Variants in SLIT3 observed in about 807,000 individuals in gnomAD.
SLIT3 encodes the protein slit guidance ligand 3.
SLIT3 carries 68 observed loss-of-function variants against 184.0 expected under a neutral mutation model. The observed-to-expected ratio is 0.37, with a 90% CI of 0.30 to 0.45. The LOEUF (loss-of-function observed/expected upper bound fraction) is 0.45. SLIT3 is among the 20% of genes least tolerant of loss of function. The pLI is 1.00. For synonymous variants in SLIT3, 831 were observed against 828.6 expected (o/e 1.00, Z -0.05); for missense variants, 1,707 against 2,026.0 (o/e 0.84, Z 3.02).
rs1757596904 is a variant in SLIT3, at chr5:168,823,351, A to C, written c.558-20T>G. On this transcript the variant is annotated intron_variant, in intron 6 of 35. Transcript: ENST00000519560. ...AGGGTACTGTGGAGATAGACAAGGG[A>C]GATGGTCAGCCAGGCAGCAGCAGGG... 6.3e-7 allele frequency: 1 copy of C among 1,595,264 alleles called. No individual in the cohort carries two copies. Among genetic ancestry groups the C allele is most frequent in the African/African-American group, 1.3e-5 (1 of 74,166 alleles).
chr5:168,762,487 G>A (rs1166741012), intron 15 of SLIT3, 52 bp downstream of exon 15: 39 of 1,586,662 alleles, frequency 2.5e-5, no homozygotes, highest in Non-Finnish European at 3.2e-5. Flanking sequence ...GCTGGCTCCG[G>A]GTGACTGGCG....
intron 1 of SLIT3, among the ~76,000 whole-genome samples, chr5:169,294,835 G>A (rs554972520): frequency 1.1e-3 from 170 of 152,284 alleles, no homozygotes; most frequent in African/African-American, 4.0e-3. Context: ...AACCTGCATA[G>A]CATGTTCCTC....
intron 4 of SLIT3, among the ~76,000 whole-genome samples, chr5:169,034,087 C>T (rs1441865625): frequency 6.6e-6 from 1 of 152,190 alleles, no homozygotes; most frequent in African/African-American, 2.4e-5. Flanking sequence ...GCTGGGATTA[C>T]AGGCGTGAGC....
At chr5:169,122,641 C>T (rs1760924736) in intron 4 of SLIT3, among the ~76,000 whole-genome samples, 1 of 152,176 alleles carries the variant, frequency 6.6e-6, no homozygotes, top group Admixed American at 6.5e-5. Context: ...GCCACATGGT[C>T]ACAGTGTCCC....
chr5:169,286,261 C>T (rs537261479), intron 1 of SLIT3, among the ~76,000 whole-genome samples: 182 of 152,296 alleles, frequency 1.2e-3, no homozygotes, highest in African/African-American at 4.1e-3. Context: ...ATAAAACCTA[C>T]AAAGCCCCAA....
chr5:169,194,233 CAAAAAAAAAAAAAAAA>C (rs10571842), intron 3 of SLIT3, among the ~76,000 whole-genome samples: 4 of 61,382 alleles, frequency 6.5e-5, no homozygotes, highest in Admixed American at 2.7e-4. Context: ...GACTCTGTCT[CAAAAAAAAAAAAAAAA>C]AAAAAAAAAA....
chr5:168,762,469 C>G (rs1445589454), intron 15 of SLIT3, 70 bp downstream of exon 15: 2 of 1,554,036 alleles, frequency 1.3e-6, no homozygotes, highest in East Asian at 4.6e-5. Flanking sequence ...CCAGGAGACC[C>G]TGCCCACGCT....
intron 3 of SLIT3, among the ~76,000 whole-genome samples, chr5:169,224,330 C>T (rs957129828): frequency 3.9e-5 from 6 of 152,072 alleles, no homozygotes; most frequent in Non-Finnish European, 5.9e-5. Context: ...ATTTATTCCA[C>T]CTGGTTCCAA....
intron 5 of SLIT3, among the ~76,000 whole-genome samples, chr5:168,848,561 GT>G (rs1561966234): frequency 6.6e-6 from 1 of 152,094 alleles, no homozygotes; most frequent in Non-Finnish European, 1.5e-5. Context: ...GCCCCAAAAT[GT>G]TTCATGATAT....
chr5:169,002,322 CAAAAAAAAAAAAAAAA>C lies in SLIT3; in HGVS notation c.414-119002_414-118987del, dbSNP rs397999882. Reference sequence around the variant, plus strand: ...TGAGCAACAGAACGAGACTCTGTCTCAAAAAAAAAAAAAAAAAAAAAAAAAAAAAAAAAGAAAAAAA... The same window carrying C: ...TGAGCAACAGAACGAGACTCTGTCTCAAAAAAAAAAAAAAAAAGAAAAAAA... On this transcript the variant is annotated intron_variant, in intron 4 of 35. Transcript: ENST00000519560. Among the ~76,000 whole-genome samples the C allele has an allele frequency of 2.9e-4, 7 of 24,198 alleles. No individual in the cohort carries two copies. The East Asian group carries it at 6.3e-3, about 22-fold the overall frequency. The allele number at this position is 24,198 out of a possible 152,430, so 15.9% of individuals were successfully genotyped here.
intron 4 of SLIT3, among the ~76,000 whole-genome samples, chr5:168,987,363 A>G (rs1246095590): frequency 6.6e-6 from 1 of 152,022 alleles, no homozygotes; most frequent in Non-Finnish European, 1.5e-5. Flanking sequence ...CTATTTTTCT[A>G]TTCACGCTAA....
intron 4 of SLIT3, among the ~76,000 whole-genome samples, chr5:169,056,906 G>C (rs1263401313): frequency 6.6e-6 from 1 of 152,226 alleles, no homozygotes. Context: ...CCCACAAGCT[G>C]TGTGACCTTG....
chr5:169,038,698 C>T (rs57086138), intron 4 of SLIT3, among the ~76,000 whole-genome samples: 20,353 of 152,122 alleles, frequency 0.13, 1,746 homozygotes, highest in East Asian at 0.42. Context: ...GCCAAGGTCA[C>T]GCTGCTATTT....
chr5:169,071,225 A>T (rs913557857), intron 4 of SLIT3, among the ~76,000 whole-genome samples: 1 of 152,238 alleles, frequency 6.6e-6, no homozygotes, highest in African/African-American at 2.4e-5. Flanking sequence ...TCCCCCAGAA[A>T]GTGCCATGTT....
intron 20 of SLIT3, among the ~76,000 whole-genome samples, chr5:168,748,084 C>G (rs1008689583): frequency 6.6e-6 from 1 of 152,128 alleles, no homozygotes. Flanking sequence ...CTCTGCCAGG[C>G]AGAGGCACTG....
chr5:169,254,957 T>C (rs531250623), intron 1 of SLIT3, among the ~76,000 whole-genome samples: 86 of 152,344 alleles, frequency 5.6e-4, no homozygotes, highest in African/African-American at 2.0e-3. Flanking sequence ...TCATGTAACA[T>C]ATAGCAATGT....
At chr5:169,018,697 T>G (rs1756485975) in intron 4 of SLIT3, 1 of 152,228 alleles carries the variant, frequency 6.6e-6, no homozygotes, top group African/African-American at 2.4e-5. Flanking sequence ...GGAAACACTG[T>G]ATTGATTTGC....
rs569381127 is a variant in SLIT3, at chr5:169,147,969, C to CT, written c.413+45509dup. On this transcript the variant is annotated intron_variant, in intron 4 of 35. Coordinates refer to ENST00000519560, the MANE Select transcript of SLIT3 (RefSeq NM_003062.4). ...CGCCTGAAGCCAAAAAGGAAGCCCC[C>CT]TTTTTTTCTTAGAGAAAGATTCCAA... Among the ~76,000 whole-genome samples the CT allele has an allele frequency of 1.5e-3, 231 of 152,274 alleles. 1 individual carries two copies. Among genetic ancestry groups the CT allele is most frequent in the African/African-American group, 5.4e-3 (225 of 41,562 alleles).
intron 4 of SLIT3, among the ~76,000 whole-genome samples, chr5:169,107,064 C>T (rs969898912): frequency 6.6e-6 from 1 of 152,244 alleles, no homozygotes; most frequent in Non-Finnish European, 1.5e-5. Context: ...CGCTGCTGGG[C>T]GTCCTTGCAG....
Sources: gnomAD v4.1 joint callset for allele counts (sites outside exome capture counted in the v4.1 genomes callset) on GRCh38, gnomAD v4.1.1 for gene constraint, MANE v1.5 for transcripts, NCBI Gene and HGNC (gene_info 2026-07-23, HGNC 2026-07-21) for gene names.